The following PHACTR4 variants were observed in gnomAD, a reference collection of about 807,000 sequenced individuals.
PHACTR4 encodes the protein phosphatase and actin regulator 4.
PHACTR4 carries 51 observed loss-of-function variants against 72.7 expected under a neutral mutation model. The observed-to-expected ratio is 0.70, with a 90% CI of 0.56 to 0.89. The LOEUF (loss-of-function observed/expected upper bound fraction) is 0.89. Among genes scored for constraint, PHACTR4 ranks in the 40% least tolerant of loss-of-function variants. The pLI is 0.00. For missense variants in PHACTR4, 731 were observed against 861.8 expected (o/e 0.85, Z 1.90); for synonymous variants, 255 against 302.5 (o/e 0.84, Z 1.63).
intron 13 of PHACTR4, among the ~76,000 whole-genome samples, chr1:28,493,679 A>C (rs1661173858): frequency 6.6e-6 from 1 of 152,208 alleles, no homozygotes; most frequent in South Asian, 2.1e-4. Context: ...ATGGTTAAGT[A>C]ACTTGGTTGA....
intron 4 of PHACTR4, among the ~76,000 whole-genome samples, chr1:28,463,766 T>C (rs1003672545): frequency 1.3e-5 from 2 of 152,204 alleles, no homozygotes; most frequent in African/African-American, 4.8e-5. Context: ...TGGATTTCAC[T>C]CTGTCACCCA....
intron 1 of PHACTR4, among the ~76,000 whole-genome samples, chr1:28,400,813 C>G (rs1199071973): frequency 6.6e-6 from 1 of 152,120 alleles, no homozygotes; most frequent in Non-Finnish European, 1.5e-5. Flanking sequence ...CTCCTGACCT[C>G]AGGTGATCTG....
At chr1:28,392,290 A>T (rs1653116241) in intron 1 of PHACTR4, among the ~76,000 whole-genome samples, 1 of 151,906 alleles carries the variant, frequency 6.6e-6, no homozygotes, top group African/African-American at 2.4e-5. Context: ...TGTCAAATTA[A>T]CTCAGGCTAT....
chr1:28,402,696 A>G (rs1487673915), intron 1 of PHACTR4, among the ~76,000 whole-genome samples: 10 of 152,324 alleles, frequency 6.6e-5, no homozygotes, highest in Non-Finnish European at 1.5e-5. Flanking sequence ...TACAGAGGCC[A>G]TAGGAATATT....
chr1:28,426,364 C>T (rs1464570698), intron 2 of PHACTR4, among the ~76,000 whole-genome samples: 1 of 151,386 alleles, frequency 6.6e-6, no homozygotes, highest in Non-Finnish European at 1.5e-5. Context: ...GCTGATGAAA[C>T]GTGGAATTGG....
At chr1:28,397,395 CT>C (rs1226640224) in intron 1 of PHACTR4, among the ~76,000 whole-genome samples, 2 of 152,158 alleles carry the variant, frequency 1.3e-5, no homozygotes, top group East Asian at 3.8e-4. Flanking sequence ...TTGAAACTAA[CT>C]TGTGCTAATT....
intron 2 of PHACTR4, among the ~76,000 whole-genome samples, chr1:28,420,387 C>T (rs1056440741): frequency 6.6e-6 from 1 of 152,154 alleles, no homozygotes; most frequent in Non-Finnish European, 1.5e-5. Flanking sequence ...AGGCGCTCTT[C>T]CCCCTTCACT....
At position 28,474,091 on chromosome 1, in the gene PHACTR4, A is replaced by G. The variant is rs768394521; in HGVS notation, c.1361A>G (p.Glu454Gly). Reference protein sequence around the residue: ...LLFENSDSFSEDSSTLGRTRS... With the variant: ...LLFENSDSFSGDSSTLGRTRS... ...TTTGAAAACAGTGACAGCTTTTCTG[A>G]GGACAGCAGTACGCTGGGTCGGACC... is the stretch of plus-strand genomic sequence containing the variant. Residue 454 changes from glutamate to glycine, a missense_variant, in exon 7 of 14, where the codon GAG (glutamate) becomes GGG (glycine). Glu to Gly is a moderately conservative substitution (Grantham distance 98). Around this residue, in one of 2 missense-constraint regions of PHACTR4, gnomAD observed 621 missense variants for 676.6 expected, o/e 0.92. Transcript: ENST00000373839. 1.2e-6 allele frequency: 2 copies of G among 1,614,210 alleles called. No individual in the cohort carries two copies. The highest frequency in any genetic ancestry group is 2.7e-5 in the African/African-American group (2 of 75,068).
At chr1:28,392,493 C>T (rs1653134963) in intron 1 of PHACTR4, among the ~76,000 whole-genome samples, 1 of 151,802 alleles carries the variant, frequency 6.6e-6, no homozygotes, top group Admixed American at 6.6e-5. Flanking sequence ...ACCTCCACCT[C>T]CTGAGCTCAA....
rs754161784 is a variant in PHACTR4 at position 28,395,818 on chromosome 1, A to ATTTTTTTTTTTTTTTTTT, written c.-38-11585_-38-11568dup. 1.5e-4 allele frequency among the ~76,000 whole-genome samples: 11 copies of ATTTTTTTTTTTTTTTTTT among 75,000 alleles called. 1 individual carries two copies. The highest frequency in any genetic ancestry group is 8.8e-4 in the African/African-American group (11 of 12,530). 49.2% of individuals were successfully genotyped at this position (75,000 alleles called of 152,430 possible). ...ACTGTTACAATTACACGCCTGGCTAATTTTTTTTTTTTTTTTTTTTTTTTA... is the reference window on the plus strand; with the variant it reads ...ACTGTTACAATTACACGCCTGGCTAATTTTTTTTTTTTTTTTTTTTTTTTTTTTTTTTTTTTTTTTTTA... On this transcript the variant is annotated intron_variant, in intron 1 of 13. Transcript: ENST00000373839.
At chr1:28,399,693 G>A (rs1653801565) in intron 1 of PHACTR4, among the ~76,000 whole-genome samples, 1 of 152,130 alleles carries the variant, frequency 6.6e-6, no homozygotes, top group Non-Finnish European at 1.5e-5. Flanking sequence ...TTTCTAGATT[G>A]GGAGAGACAC....
At position 28,379,145 on chromosome 1, in the gene PHACTR4, G is replaced by A. The variant is rs992541725; in HGVS notation, c.-39+9320G>A. Reference sequence around the variant, plus strand: ...AATTTTTGGGTTTTTTGTAGCGATGGGATTTCGCCACATTGCCTAGGCTGG... The same window carrying A: ...AATTTTTGGGTTTTTTGTAGCGATGAGATTTCGCCACATTGCCTAGGCTGG... On this transcript the variant is annotated intron_variant, in intron 1 of 13. Coordinates refer to ENST00000373839, the MANE Select transcript of PHACTR4 (RefSeq NM_001048183.3). Among the ~76,000 whole-genome samples the A allele has an allele frequency of 2.6e-5, 4 of 152,072 alleles. No individual in the cohort carries two copies. The South Asian group carries it at 6.2e-4, about 24-fold the overall frequency.
At chr1:28,422,314 A>G (rs974858200) in intron 2 of PHACTR4, among the ~76,000 whole-genome samples, 7 of 152,200 alleles carry the variant, frequency 4.6e-5, no homozygotes, top group Admixed American at 2.0e-4. Context: ...TGATAATGCA[A>G]TTTTTAAAAA....
chr1:28,374,563 T>C (rs1401122276), intron 1 of PHACTR4, among the ~76,000 whole-genome samples: 1 of 151,482 alleles, frequency 6.6e-6, no homozygotes, highest in Non-Finnish European at 1.5e-5. Flanking sequence ...AGTAGCCTGT[T>C]TGAAATCTTT....
At chr1:28,398,234 T>C (rs1168108269) in intron 1 of PHACTR4, among the ~76,000 whole-genome samples, 1 of 152,002 alleles carries the variant, frequency 6.6e-6, no homozygotes, top group African/African-American at 2.4e-5. Context: ...AAATATCTGT[T>C]GGGTGGCTGG....
At chr1:28,374,016 T>G (rs1196149103) in intron 1 of PHACTR4, among the ~76,000 whole-genome samples, 3 of 152,206 alleles carry the variant, frequency 2.0e-5, no homozygotes, top group African/African-American at 4.8e-5. Flanking sequence ...GGAAAATATT[T>G]TCCAATTAAG....
In PHACTR4 at chr1:28,459,065, C is replaced by G; in HGVS notation, c.17-20C>G. 1 of 1,577,636 alleles carries G rather than the reference C, an allele frequency of 6.3e-7. No individual in the cohort carries two copies. The highest frequency in any genetic ancestry group is 8.6e-7 in the Non-Finnish European group (1 of 1,161,194). On this transcript the variant is annotated intron_variant, in intron 2 of 13. Transcript: ENST00000373839. ...AAATAATACATTTGCTTCCTTCCCT[C>G]TCTTCTTTTCATGTAACAGAGGAAG...
chr1:28,410,570 A>G (rs954190142), intron 2 of PHACTR4, among the ~76,000 whole-genome samples: 2 of 152,218 alleles, frequency 1.3e-5, no homozygotes, highest in African/African-American at 2.4e-5. Context: ...TCTAGGGAGT[A>G]TCAACGTGAG....
chr1:28,408,670 A>T (rs12042447), intron 2 of PHACTR4, among the ~76,000 whole-genome samples: 59,610 of 149,666 alleles, frequency 0.4, 12,172 homozygotes, highest in Non-Finnish European at 0.45. Flanking sequence ...ATATATATAT[A>T]TTTTTTTTTA....
Sources: gnomAD v4.1 joint callset for allele counts (sites outside exome capture counted in the v4.1 genomes callset) on GRCh38, gnomAD v4.1.1 for gene constraint, gnomAD v4.1.1 regional missense constraint, MANE v1.5 for transcripts, NCBI Gene and HGNC (gene_info 2026-07-23, HGNC 2026-07-21) for gene names.